KALRN: variants seen among roughly 807,000 people sequenced by gnomAD.
KALRN encodes the protein kalirin.
In KALRN, 70 loss-of-function variants were observed where a neutral mutation model predicts 353.7. The observed-to-expected ratio is 0.20, with a 90% CI of 0.16 to 0.24. The LOEUF (loss-of-function observed/expected upper bound fraction) is 0.24. KALRN is among the 10% of genes least tolerant of loss of function. The pLI is 1.00. For synonymous variants in KALRN, 1,391 were observed against 1,434.8 expected, an observed-to-expected ratio of 0.97 and a Z score of 0.69; for missense variants, 2,791 against 3,756.7, an observed-to-expected ratio of 0.74 and a Z score of 6.72.
chr3:124,258,440 G>A (rs1351193097), intron 3 of KALRN, among the ~76,000 whole-genome samples: 2 of 152,064 alleles, frequency 1.3e-5, no homozygotes, highest in African/African-American at 4.8e-5. Flanking sequence ...TTTCTTTGAC[G>A]TCATTCCTCT....
intron 3 of KALRN, among the ~76,000 whole-genome samples, chr3:124,260,822 A>G (rs1206358349): frequency 6.6e-6 from 1 of 151,358 alleles, no homozygotes; most frequent in African/African-American, 2.4e-5. Flanking sequence ...AACTTTCTCA[A>G]TATGCCATGC....
intron 33 of KALRN, among the ~76,000 whole-genome samples, chr3:124,558,572 C>T (rs2071562361): frequency 6.6e-6 from 1 of 152,242 alleles, no homozygotes; most frequent in Admixed American, 6.5e-5. Flanking sequence ...AGCCACTGCG[C>T]CCAGCCCAGA....
At chr3:124,705,707 C>A (rs540386655) in intron 57 of KALRN, among the ~76,000 whole-genome samples, 32 of 152,258 alleles carry the variant, frequency 2.1e-4, no homozygotes, top group Admixed American at 1.8e-3. Context: ...GGCAACCAGT[C>A]AGCATTCCCA....
At chr3:124,609,488 C>G (rs956201459) in intron 34 of KALRN, among the ~76,000 whole-genome samples, 2 of 152,202 alleles carry the variant, frequency 1.3e-5, no homozygotes, top group African/African-American at 4.8e-5. Context: ...TGTATTTGCA[C>G]TAGCTAGGAT....
intron 31 of KALRN, chr3:124,491,627 G>T: frequency 4.9e-6 from 2 of 410,856 alleles, no homozygotes; most frequent in Admixed American, 4.4e-5. Flanking sequence ...GTCTCCTCAA[G>T]TGCATGCACA....
At chr3:124,483,785 G>T (rs2062245584) in intron 28 of KALRN, among the ~76,000 whole-genome samples, 1 of 152,122 alleles carries the variant, frequency 6.6e-6, no homozygotes. Flanking sequence ...AAGAGATTTG[G>T]ATTTTCCTTC....
intron 5 of KALRN, among the ~76,000 whole-genome samples, chr3:124,278,869 G>A (rs1403401640): frequency 6.6e-6 from 1 of 152,064 alleles, no homozygotes; most frequent in Non-Finnish European, 1.5e-5. Flanking sequence ...TCTCTGTTTG[G>A]GGTAGGAAGC....
intron 1 of KALRN, among the ~76,000 whole-genome samples, chr3:124,214,184 CTG>C (rs1299768757): frequency 1.3e-5 from 2 of 152,058 alleles, no homozygotes; most frequent in Non-Finnish European, 2.9e-5. Flanking sequence ...AACACAGACA[CTG>C]TATGCACAAT....
rs774067759 is a variant in KALRN, at chr3:124,678,211, T to G, written c.7215T>G (p.Thr2405=). 21 of 1,613,852 alleles carry G rather than the reference T, an allele frequency of 1.3e-5. No individual in the cohort carries two copies. Among genetic ancestry groups the G allele is most frequent in the Non-Finnish European group, 2.5e-6 (3 of 1,179,914 alleles). Residue 2405 remains threonine (T), a synonymous_variant, in exon 50 of 60, where the codon ACT becomes ACG. Transcript: ENST00000682506. ...GSIKKSCSWH[T]LRMRKRAEVE... ...ACAGGAAGTCATGTTCATGGCATAC[T>G]CTACGCATGAGAAAGCGGGCGGAAG...
intron 1 of KALRN, among the ~76,000 whole-genome samples, chr3:124,080,424 A>G (rs1455274515): frequency 6.6e-6 from 1 of 152,202 alleles, no homozygotes; most frequent in East Asian, 1.9e-4. Flanking sequence ...ATTAGTTATT[A>G]GGGGTCCTTC....
At chr3:124,619,189 C>T (rs1193246728) in intron 34 of KALRN, among the ~76,000 whole-genome samples, 2 of 150,982 alleles carry the variant, frequency 1.3e-5, no homozygotes, top group African/African-American at 4.9e-5. Context: ...CTATGTCTAG[C>T]TTATTTCACT....
chr3:124,185,174 C>T (rs2074066361), intron 1 of KALRN, among the ~76,000 whole-genome samples: 2 of 152,160 alleles, frequency 1.3e-5, no homozygotes, highest in African/African-American at 4.8e-5. Context: ...TGCCACTGCA[C>T]CTGGCTAATT....
intron 37 of KALRN, among the ~76,000 whole-genome samples, chr3:124,644,432 C>G (rs1478372716): frequency 1.3e-5 from 2 of 151,988 alleles, no homozygotes; most frequent in African/African-American, 4.8e-5. Flanking sequence ...ACCCATCAAC[C>G]CATCATCTAC....
chr3:124,678,079 C>G, intron 49 of KALRN, 111 bp from the exon 50 acceptor site: 1 of 1,211,326 alleles, frequency 8.3e-7, no homozygotes, highest in Non-Finnish European at 1.2e-6. Flanking sequence ...CTCTGAAGCC[C>G]GGGCTTGATG....
intron 5 of KALRN, among the ~76,000 whole-genome samples, chr3:124,277,340 C>T (rs2074854189): frequency 6.6e-6 from 1 of 152,130 alleles, no homozygotes; most frequent in East Asian, 1.9e-4. Flanking sequence ...TCTCCCCTCT[C>T]CTACTGAGAC....
intron 1 of KALRN, among the ~76,000 whole-genome samples, chr3:124,091,888 T>C (rs1171592643): frequency 6.6e-6 from 1 of 152,240 alleles, no homozygotes; most frequent in Non-Finnish European, 1.5e-5. Flanking sequence ...TGCAGTTAAA[T>C]GGCAATGCTG....
intron 1 of KALRN, among the ~76,000 whole-genome samples, chr3:124,051,553 A>C (rs907608500): frequency 6.6e-6 from 1 of 152,226 alleles, no homozygotes; most frequent in Non-Finnish European, 1.5e-5. Flanking sequence ...AAATCAATGG[A>C]AAAAATGAAG....
intron 1 of KALRN, among the ~76,000 whole-genome samples, chr3:124,207,005 T>A (rs948566765): frequency 2.6e-5 from 4 of 152,164 alleles, no homozygotes; most frequent in African/African-American, 9.7e-5. Context: ...GTGAAGGGAC[T>A]ATTGGGCTAG....
intron 3 of KALRN, among the ~76,000 whole-genome samples, chr3:124,244,444 G>A (rs1579951756): frequency 6.6e-6 from 1 of 151,956 alleles, no homozygotes; most frequent in South Asian, 2.1e-4. Context: ...ACTATGTTGG[G>A]CAGGCTGGTC....
Sources: gnomAD v4.1 joint callset for allele counts (sites outside exome capture counted in the v4.1 genomes callset) on GRCh38, gnomAD v4.1.1 for gene constraint, MANE v1.5 for transcripts, NCBI Gene and HGNC (gene_info 2026-07-23, HGNC 2026-07-21) for gene names.